Variants in LOC128462377 observed in about 807,000 individuals in gnomAD.
the LOC128462377 span, among the ~76,000 whole-genome samples, chr16:89,364,014 TG>T: frequency 6.6e-6 from 1 of 151,658 alleles, no homozygotes; most frequent in Admixed American, 6.5e-5. Flanking sequence ...GAGCTATCAT[TG>T]TGCCATGCCA....
At chr16:89,385,141 G>A in the LOC128462377 span, among the ~76,000 whole-genome samples, 1 of 151,560 alleles carries the variant, frequency 6.6e-6, no homozygotes, top group African/African-American at 2.4e-5. Flanking sequence ...CTCCCAAAGT[G>A]CTGGGATTAC....
the LOC128462377 span, among the ~76,000 whole-genome samples, chr16:89,394,583 G>C: frequency 6.0e-5 from 9 of 151,052 alleles, no homozygotes; most frequent in South Asian, 1.9e-3. Flanking sequence ...AGCCAGTATC[G>C]CACCACTGCA....
chr16:89,363,159 C>T, the LOC128462377 span, among the ~76,000 whole-genome samples: 1 of 152,086 alleles, frequency 6.6e-6, no homozygotes, highest in Non-Finnish European at 1.5e-5. Flanking sequence ...TGGGAACACG[C>T]CTATCCCTGT....
the LOC128462377 span, among the ~76,000 whole-genome samples, chr16:89,346,248 A>AG: frequency 3.9e-5 from 4 of 103,470 alleles, no homozygotes; most frequent in Admixed American, 9.3e-5. Context: ...ACCCCGTCTC[A>AG]GGAAAAAAAA....
At chr16:89,394,643 C>A in the LOC128462377 span, among the ~76,000 whole-genome samples, 86 of 145,664 alleles carry the variant, frequency 5.9e-4, no homozygotes, top group South Asian at 1.1e-3. Flanking sequence ...AAAAAAAAAA[C>A]AAACAACCTT....
At chr16:89,321,406 G>T in the LOC128462377 span, among the ~76,000 whole-genome samples, 1 of 151,446 alleles carries the variant, frequency 6.6e-6, no homozygotes, top group Non-Finnish European at 1.5e-5. Context: ...GCGGGACTGT[G>T]GGGAGGGGAC....
the LOC128462377 span, among the ~76,000 whole-genome samples, chr16:89,404,333 G>C: frequency 2.0e-5 from 3 of 152,274 alleles, no homozygotes; most frequent in Middle Eastern, 0.01. Context: ...GAAAATGGAA[G>C]TGCAGGAAGG....
At chr16:89,342,816 C>A in the LOC128462377 span, among the ~76,000 whole-genome samples, 30 of 152,268 alleles carry the variant, frequency 2.0e-4, no homozygotes, top group Non-Finnish European at 4.1e-4. Context: ...TACAGAATAA[C>A]CAAACTTTTG....
At chr16:89,380,741 G>C in the LOC128462377 span, among the ~76,000 whole-genome samples, 1 of 152,262 alleles carries the variant, frequency 6.6e-6, no homozygotes, top group Admixed American at 6.5e-5. Context: ...CAAAGGCAGA[G>C]AAGAAGCTGG....
the LOC128462377 span, among the ~76,000 whole-genome samples, chr16:89,356,417 T>A: frequency 1.3e-5 from 2 of 151,870 alleles, no homozygotes; most frequent in Admixed American, 1.3e-4. Context: ...ATGGAGCAGC[T>A]GGACACATTC....
the LOC128462377 span, among the ~76,000 whole-genome samples, chr16:89,325,802 T>C: frequency 1.3e-5 from 2 of 152,140 alleles, no homozygotes; most frequent in Non-Finnish European, 2.9e-5. Context: ...GCCTCAGAGG[T>C]GTCACTGACC....
the LOC128462377 span, among the ~76,000 whole-genome samples, chr16:89,342,605 G>A: frequency 1.3e-5 from 2 of 152,174 alleles, no homozygotes; most frequent in African/African-American, 4.8e-5. Context: ...TCTTTCTGAG[G>A]CATTATATGG....
chr16:89,408,466 G>A, the LOC128462377 span, among the ~76,000 whole-genome samples: 1 of 152,360 alleles, frequency 6.6e-6, no homozygotes, highest in South Asian at 2.1e-4. Flanking sequence ...GACCCTGAGC[G>A]TGGTGGCAAG....
chr16:89,414,603 C>T, the LOC128462377 span, among the ~76,000 whole-genome samples: 1 of 152,172 alleles, frequency 6.6e-6, no homozygotes, highest in South Asian at 2.1e-4. Flanking sequence ...ACAGTAGATA[C>T]GACCGTGACC....
At chr16:89,320,680 A>G in the LOC128462377 span, among the ~76,000 whole-genome samples, 103,030 of 152,090 alleles carry the variant, frequency 0.68, 34,942 homozygotes, top group Middle Eastern at 0.77. Context: ...ACGGCGCCAA[A>G]GCTGTGGGCT....
At chr16:89,374,769 G>A in the LOC128462377 span, among the ~76,000 whole-genome samples, 17 of 152,208 alleles carry the variant, frequency 1.1e-4, 1 homozygote, top group South Asian at 1.2e-3. Context: ...CATGATGAAC[G>A]TGGACACACA....
At chr16:89,372,055 A>T in the LOC128462377 span, among the ~76,000 whole-genome samples, 1 of 152,202 alleles carries the variant, frequency 6.6e-6, no homozygotes, top group Non-Finnish European at 1.5e-5. Flanking sequence ...CACTGAAACC[A>T]GTGGGTCCCC....
chr16:89,318,529 C>T, the LOC128462377 span, among the ~76,000 whole-genome samples: 112 of 151,718 alleles, frequency 7.4e-4, no homozygotes, highest in Middle Eastern at 3.4e-3. Flanking sequence ...CGCTCATGCA[C>T]GAAGTATGGC....
chr16:89,387,814 C>T, the LOC128462377 span, among the ~76,000 whole-genome samples: 1 of 151,190 alleles, frequency 6.6e-6, no homozygotes, highest in African/African-American at 2.4e-5. Context: ...ACCAGCCTGG[C>T]CAACATGGTG....
Sources: allele counts gnomAD v4.1 joint callset (sites outside exome capture counted in the v4.1 genomes callset), GRCh38; gene constraint gnomAD v4.1.1; transcripts MANE v1.5.